ZFHX3: variants seen among roughly 807,000 people sequenced by gnomAD.
The protein encoded by ZFHX3 is zinc finger homeobox 3, also known as zinc finger homeobox protein 3.
A neutral mutation model predicts 279.1 loss-of-function variants in ZFHX3; 42 were observed. That is an observed-to-expected ratio of 0.15 (90% confidence interval 0.12 to 0.19). ZFHX3 has a LOEUF of 0.19. Ranked by LOEUF, ZFHX3 falls within the 10% of genes least tolerant of loss-of-function variation. The probability of loss-of-function intolerance (pLI) is 1.00; values close to 1 mark genes in which losing one functional copy is unlikely to be tolerated. For synonymous variants in ZFHX3, 2,293 were observed against 1,957.8 expected, an observed-to-expected ratio of 1.17 and a Z score of -4.52; for missense variants, 4,981 against 4,754.0, an observed-to-expected ratio of 1.05 and a Z score of -1.40.
At chr16:73,631,751 A>G in intron 2 of ZFHX3, among the ~76,000 whole-genome samples, 1 of 152,144 alleles carries the variant, frequency 6.6e-6, no homozygotes, top group Non-Finnish European at 1.5e-5. Context: ...TAAAAAATAT[A>G]CAAAAATTAG....
At chr16:72,941,097 T>C (rs1312329199) in intron 3 of ZFHX3, among the ~76,000 whole-genome samples, 1 of 152,320 alleles carries the variant, frequency 6.6e-6, no homozygotes, top group Non-Finnish European at 1.5e-5. Context: ...TCTGGCCAAG[T>C]TGCTGGTGAC....
rs1212787430 is a variant in ZFHX3, at chr16:72,786,599, A to C, written c.*565T>G. On this transcript the variant is annotated 3_prime_UTR_variant, in exon 10 of 10. Coordinates refer to ENST00000268489, the MANE Select transcript of ZFHX3 (RefSeq NM_006885.4). ...TTTTCTGGAACAAAAAAAAAAAAAA[A>C]AACTGAAAAAACAATAATATATAAA... 1 of 151,808 alleles carries C rather than the reference A, an allele frequency of 6.6e-6. No homozygotes were observed. Among genetic ancestry groups the C allele is most frequent in the Non-Finnish European group, 1.5e-5 (1 of 67,834 alleles). The allele number at this position is 151,808 out of a possible 1,614,324, so 9.4% of individuals were successfully genotyped here.
intron 2 of ZFHX3, among the ~76,000 whole-genome samples, chr16:73,456,871 C>T (rs1336275653): frequency 6.6e-6 from 1 of 152,216 alleles, no homozygotes; most frequent in Admixed American, 6.5e-5. Flanking sequence ...CTCTGCTGGC[C>T]TCCCCTTTAA....
chr16:72,855,299 C>A lies in ZFHX3; in HGVS notation c.3449-25440G>T, dbSNP rs150107199. On this transcript the variant is annotated intron_variant, in intron 4 of 9. Coordinates refer to ENST00000268489, the MANE Select transcript of ZFHX3 (RefSeq NM_006885.4). Reference sequence around the variant, plus strand: ...TTTCCACACCTTCAGCCATCAGGATCCCCCAACGCTGGAGCGCGTGCACGC... The same window carrying A: ...TTTCCACACCTTCAGCCATCAGGATACCCCAACGCTGGAGCGCGTGCACGC... 8.1e-4 allele frequency among the ~76,000 whole-genome samples: 124 copies of A among 152,326 alleles called. 1 individual carries two copies. The highest frequency in any genetic ancestry group is 2.9e-3 in the African/African-American group (122 of 41,576).
At chr16:73,230,819 G>A (rs2012748969) in intron 5 of ZFHX3, among the ~76,000 whole-genome samples, 1 of 152,138 alleles carries the variant, frequency 6.6e-6, no homozygotes, top group African/African-American at 2.4e-5. Context: ...GCCAGAAAAG[G>A]AATAAAAAAA....
chr16:73,608,214 C>A (rs190693074), intron 2 of ZFHX3, among the ~76,000 whole-genome samples: 18 of 152,356 alleles, frequency 1.2e-4, no homozygotes, highest in Non-Finnish European at 2.2e-4. Context: ...CAGAGCACTT[C>A]TTTGTCCACA....
chr16:73,389,182 C>T (rs939297316), intron 3 of ZFHX3: 1 of 152,224 alleles, frequency 6.6e-6, no homozygotes, highest in Admixed American at 6.5e-5. Flanking sequence ...CCAAAGCAGG[C>T]AGTGGCACAC....
At chr16:73,469,771 C>T (rs1199526198) in intron 2 of ZFHX3, among the ~76,000 whole-genome samples, 1 of 152,118 alleles carries the variant, frequency 6.6e-6, no homozygotes, top group Non-Finnish European at 1.5e-5. Context: ...GCTCCTGACA[C>T]CACTCCCAGC....
At chr16:73,202,081 A>C (rs1267520934) in intron 5 of ZFHX3, among the ~76,000 whole-genome samples, 1 of 152,206 alleles carries the variant, frequency 6.6e-6, no homozygotes, top group Non-Finnish European at 1.5e-5. Context: ...TTTTCTTAAA[A>C]AAGGCATTTA....
At chr16:73,393,990 G>A (rs926515582) in intron 3 of ZFHX3, among the ~76,000 whole-genome samples, 1 of 146,810 alleles carries the variant, frequency 6.8e-6, no homozygotes, top group Admixed American at 6.8e-5. Flanking sequence ...TATCATATAT[G>A]TGATATATGT....
chr16:73,130,916 C>T, intron 7 of ZFHX3: 1 of 1,284,766 alleles, frequency 7.8e-7, no homozygotes, highest in Non-Finnish European at 1.0e-6. Context: ...CCCAGACAGT[C>T]TTATTTTAAA....
chr16:73,279,850 A>T (rs1373589935), intron 4 of ZFHX3, among the ~76,000 whole-genome samples: 1 of 152,234 alleles, frequency 6.6e-6, no homozygotes, highest in Non-Finnish European at 1.5e-5. Context: ...CAACAAATTA[A>T]AAAGTACCTA....
chr16:72,979,340 C>T (rs1962488978), intron 1 of ZFHX3, among the ~76,000 whole-genome samples: 1 of 152,118 alleles, frequency 6.6e-6, no homozygotes, highest in Non-Finnish European at 1.5e-5. Context: ...TACCTAAGGC[C>T]TATGGAAAAA....
chr16:72,786,930 A>G lies in ZFHX3; in HGVS notation c.*234T>C. 3.4e-6 allele frequency: 1 copy of G among 295,222 alleles called. No individual in the cohort carries two copies. Among genetic ancestry groups the G allele is most frequent in the Non-Finnish European group, 5.7e-6 (1 of 176,150 alleles). 18.3% of individuals were successfully genotyped at this position (295,222 alleles called of 1,614,324 possible). A position where few individuals can be genotyped will look rare whatever the true frequency, so the allele number is the denominator to read the frequency against. On this transcript the variant is annotated 3_prime_UTR_variant, in exon 10 of 10. Transcript: ENST00000268489. ...CAAAAGGACACAATGTAACAGGGTT[A>G]GGGCTTTTTTTTTTTTTTTAATATT...
At chr16:73,006,677 G>C (rs1358086311) in intron 1 of ZFHX3, among the ~76,000 whole-genome samples, 1 of 142,464 alleles carries the variant, frequency 7.0e-6, no homozygotes, top group East Asian at 3.1e-4. Context: ...AGGGAGGAAG[G>C]AAAGAGGAAA....
At position 73,368,745 on chromosome 16, in the gene ZFHX3, A is replaced by G. The variant is rs138206301; in HGVS notation, c.-1290-50409T>C. ...ATATTCTTGAGTGCAAAGGTTGTTA[A>G]AGGACCCAATATTCATTGAGTATCT... On this transcript the variant is annotated intron_variant, in intron 3 of 17. Transcript: ENST00000641206. Among the ~76,000 whole-genome samples the G allele has an allele frequency of 4.9e-4, 75 of 152,338 alleles. No individual in the cohort carries two copies. In the East Asian group the frequency reaches 0.013, roughly 26 times the overall value.
chr16:72,961,707 G>T lies in ZFHX3; in HGVS notation c.-49-1513C>A, dbSNP rs190146559. On this transcript the variant is annotated intron_variant, in intron 1 of 9. Transcript: ENST00000268489. ...CCCTCGGGAAAAACTGGGGAAGGCA[G>T]GTTTACCAGAAGTCTCAGGGAGAAA... is the stretch of plus-strand genomic sequence containing the variant. Among the ~76,000 whole-genome samples, 3 of 152,064 alleles carry T rather than the reference G, an allele frequency of 2.0e-5. No homozygotes were observed. The East Asian group carries it at 5.8e-4, about 29-fold the overall frequency.
chr16:73,534,640 T>C lies in ZFHX3; in HGVS notation c.-1546-78382A>G, dbSNP rs1458032796. ...ATTAAATTGCATTTGGTTTGAATGA[T>C]AGGTGTTCTGAGGATCAAATGAGCT... On this transcript the variant is annotated intron_variant, in intron 2 of 17. Coordinates refer to the ZFHX3 transcript ENST00000641206. Among the ~76,000 whole-genome samples, 7 of 152,206 alleles carry C rather than the reference T, an allele frequency of 4.6e-5. No homozygotes were observed. In the South Asian group the frequency reaches 6.2e-4, roughly 14 times the overall value.
At chr16:73,711,282 G>C (rs1031973026) in intron 1 of ZFHX3, among the ~76,000 whole-genome samples, 10 of 152,040 alleles carry the variant, frequency 6.6e-5, no homozygotes, top group African/African-American at 2.4e-4. Context: ...ATCCCGTGAA[G>C]TTTAAATTGT....
Sources: gnomAD v4.1 joint callset for allele counts (sites outside exome capture counted in the v4.1 genomes callset) on GRCh38, gnomAD v4.1.1 for gene constraint, MANE v1.5 for transcripts, NCBI Gene and HGNC (gene_info 2026-07-23, HGNC 2026-07-21) for gene names.